SHISA6: variants seen among roughly 807,000 people sequenced by gnomAD.
The protein encoded by SHISA6 is shisa family member 6.
SHISA6 carries 22 observed loss-of-function variants against 47.9 expected under a neutral mutation model. The ratio of observed to expected loss-of-function variants is 0.46; its 90% CI spans 0.33 to 0.66. The LOEUF is 0.66. SHISA6 is among the 30% of genes least tolerant of loss of function. SHISA6 has a pLI of 0.02. For missense variants in SHISA6, 680 were observed against 764.6 expected (o/e 0.89, Z 1.30); for synonymous variants, 388 against 337.8 (o/e 1.15, Z -1.63).
intron 1 of SHISA6, among the ~76,000 whole-genome samples, chr17:11,256,651 TC>T (rs1262754009): frequency 6.6e-6 from 1 of 152,176 alleles, no homozygotes; most frequent in Non-Finnish European, 1.5e-5. Context: ...TTTTTTGGTT[TC>T]CCAGCTTCCA....
At chr17:11,462,601 G>T (rs1246943285) in intron 3 of SHISA6, among the ~76,000 whole-genome samples, 3 of 152,072 alleles carry the variant, frequency 2.0e-5, no homozygotes, top group Non-Finnish European at 4.4e-5. Flanking sequence ...ACAGCTGACA[G>T]TGTGGGGTTT....
chr17:11,256,810 A>G (rs540755586), intron 1 of SHISA6, among the ~76,000 whole-genome samples: 1 of 152,354 alleles, frequency 6.6e-6, no homozygotes, highest in African/African-American at 2.4e-5. Context: ...GGAACGGAGT[A>G]TGTGAAGATG....
At position 11,435,452 on chromosome 17, in the gene SHISA6, C is replaced by T. The variant is rs1914910640; in HGVS notation, c.895+55943C>T. ...AAGCCTACTAGATTTTTAGAAATGA[C>T]AATGCAAATAGGTTTAGATTCAGAA... On this transcript the variant is annotated intron_variant, in intron 3 of 5. Transcript: ENST00000441885. Among the ~76,000 whole-genome samples, 3 of 151,910 alleles carry T rather than the reference C, an allele frequency of 2.0e-5. No homozygotes were observed. The South Asian group carries it at 6.2e-4, about 32-fold the overall frequency.
At chr17:11,495,149 G>A (rs948244572) in intron 3 of SHISA6, among the ~76,000 whole-genome samples, 7 of 152,206 alleles carry the variant, frequency 4.6e-5, no homozygotes, top group South Asian at 2.1e-4. Flanking sequence ...CCCAAACCTC[G>A]GGGTGAAAGC....
At chr17:11,242,168 C>G (rs1567696960) in intron 1 of SHISA6, 108 bp downstream of exon 1, 2 of 1,397,844 alleles carry the variant, frequency 1.4e-6, no homozygotes, top group Non-Finnish European at 1.9e-6. Flanking sequence ...CCCAGGCCCT[C>G]TAGTCATTTC....
intron 3 of SHISA6, among the ~76,000 whole-genome samples, chr17:11,382,247 T>C (rs541907986): frequency 6.6e-6 from 1 of 152,126 alleles, no homozygotes; most frequent in South Asian, 2.1e-4. Flanking sequence ...TAATTTAATT[T>C]TTTTTTATTT....
chr17:11,549,225 G>A (rs1466682670), intron 3 of SHISA6, among the ~76,000 whole-genome samples: 1 of 152,142 alleles, frequency 6.6e-6, no homozygotes, highest in Non-Finnish European at 1.5e-5. Context: ...CAGGCGGAAG[G>A]TAATAAAAGG....
At chr17:11,379,832 T>A (rs779371329) in intron 3 of SHISA6, 6 of 279,662 alleles carry the variant, frequency 2.1e-5, no homozygotes, top group Non-Finnish European at 3.4e-5. Flanking sequence ...GCATTTGCAA[T>A]GTGTGTGTTC....
rs187876401 is a variant in SHISA6 at position 11,453,597 on chromosome 17, G to A, written c.895+74088G>A. Among the ~76,000 whole-genome samples the A allele has an allele frequency of 2.1e-3, 313 of 152,270 alleles. 1 individual carries two copies. Among genetic ancestry groups the A allele is most frequent in the African/African-American group, 7.0e-3 (290 of 41,548 alleles). On this transcript the variant is annotated intron_variant, in intron 3 of 5. Transcript: ENST00000441885. ...AGTAGCAAAATTATCCACTCCATTA[G>A]TTTTCATCTCTGCCTCTCACTTCTT...
intron 2 of SHISA6, among the ~76,000 whole-genome samples, chr17:11,356,719 A>C (rs1183110483): frequency 6.6e-6 from 1 of 152,064 alleles, no homozygotes; most frequent in Admixed American, 6.5e-5. Context: ...CTCTATAACC[A>C]GGGGCCTGTG....
At chr17:11,321,538 G>A (rs1460291162) in intron 2 of SHISA6, among the ~76,000 whole-genome samples, 1 of 152,116 alleles carries the variant, frequency 6.6e-6, no homozygotes, top group East Asian at 1.9e-4. Context: ...CGTATAGGTA[G>A]GTCTTGTTTT....
intron 2 of SHISA6, among the ~76,000 whole-genome samples, chr17:11,286,052 G>A (rs1909287902): frequency 6.6e-6 from 1 of 151,984 alleles, no homozygotes; most frequent in Non-Finnish European, 1.5e-5. Context: ...TAGCCAGGAT[G>A]GTCTCGAACT....
chr17:11,246,123 A>C (rs1200504525), intron 1 of SHISA6, among the ~76,000 whole-genome samples: 3 of 152,224 alleles, frequency 2.0e-5, no homozygotes, highest in African/African-American at 7.2e-5. Context: ...TATAGAAGGA[A>C]AGAAACAAAA....
At chr17:11,373,673 T>G (rs1003890742) in intron 2 of SHISA6, among the ~76,000 whole-genome samples, 1 of 152,234 alleles carries the variant, frequency 6.6e-6, no homozygotes, top group Non-Finnish European at 1.5e-5. Flanking sequence ...GTTTGCTTTG[T>G]GCATTCATCA....
intron 2 of SHISA6, among the ~76,000 whole-genome samples, chr17:11,339,667 T>C (rs891827926): frequency 5.3e-5 from 8 of 152,220 alleles, no homozygotes; most frequent in African/African-American, 1.9e-4. Context: ...ATTGCTTCCT[T>C]CTTCTATCTT....
chr17:11,390,474 G>T (rs1325596589), intron 3 of SHISA6, among the ~76,000 whole-genome samples: 2 of 152,104 alleles, frequency 1.3e-5, no homozygotes, highest in Non-Finnish European at 2.9e-5. Context: ...GCTTCACTTG[G>T]GAGCCAGTGA....
chr17:11,505,424 T>C (rs531468291), intron 3 of SHISA6, among the ~76,000 whole-genome samples: 2 of 152,358 alleles, frequency 1.3e-5, no homozygotes, highest in Non-Finnish European at 2.9e-5. Context: ...GACTGCAGAA[T>C]CATGCTTTAG....
intron 2 of SHISA6, among the ~76,000 whole-genome samples, chr17:11,347,574 G>A (rs1030276904): frequency 1.3e-5 from 2 of 152,178 alleles, no homozygotes; most frequent in African/African-American, 4.8e-5. Flanking sequence ...TGAGGAAACG[G>A]TGGCTTAGAA....
chr17:11,293,423 T>C (rs1342416208), intron 2 of SHISA6, among the ~76,000 whole-genome samples: 1 of 152,180 alleles, frequency 6.6e-6, no homozygotes, highest in East Asian at 1.9e-4. Flanking sequence ...GATTCGGCAG[T>C]GCCCTTTACT....
Sources: allele counts gnomAD v4.1 joint callset (sites outside exome capture counted in the v4.1 genomes callset), GRCh38; gene constraint gnomAD v4.1.1; transcripts MANE v1.5; gene names NCBI Gene and HGNC (gene_info 2026-07-23, HGNC 2026-07-21).